EWSR1: variants seen among roughly 807,000 people sequenced by gnomAD.
The protein encoded by EWSR1 is EWS RNA binding protein 1, also known as RNA-binding protein EWS.
A neutral mutation model predicts 92.1 loss-of-function variants in EWSR1; 14 were observed. That is an observed-to-expected ratio of 0.15 (90% confidence interval 0.10 to 0.24). The LOEUF (loss-of-function observed/expected upper bound fraction) is 0.24, where lower values mean the gene tolerates loss of function less well. Ranked by LOEUF, EWSR1 falls within the 10% of genes least tolerant of loss-of-function variation. The pLI is 1.00. For missense variants in EWSR1, 637 were observed against 870.9 expected (o/e 0.73, Z 3.38); for synonymous variants, 303 against 292.9 (o/e 1.03, Z -0.35).
rs149841245 is a variant in EWSR1 at position 29,290,929 on chromosome 22, T to C, written c.975-633T>C. On this transcript the variant is annotated intron_variant, in intron 8 of 16. Transcript: ENST00000397938. ...GCCATAGTCATTATTCTAACTGATATGTCTATAAAGTTGCACCCCCAGTCC... is the reference window on the plus strand; with the variant it reads ...GCCATAGTCATTATTCTAACTGATACGTCTATAAAGTTGCACCCCCAGTCC... 764 of 241,620 alleles carry C rather than the reference T, an allele frequency of 3.2e-3. 9 individuals carry two copies. The highest frequency in any genetic ancestry group is 0.016 in the Middle Eastern group (13 of 802). The allele number at this position is 241,620 out of a possible 1,614,324, so 15.0% of individuals were successfully genotyped here.
At chr22:29,273,963 C>T in intron 4 of EWSR1, 99 bp downstream of exon 4, 1 of 1,464,194 alleles carries the variant, frequency 6.8e-7, no homozygotes, top group East Asian at 2.3e-5. Context: ...TGGTCCATAC[C>T]TTGGCATCTG....
intron 12 of EWSR1, among the ~76,000 whole-genome samples, chr22:29,296,584 A>AT (rs1173553742): frequency 6.6e-6 from 1 of 152,216 alleles, no homozygotes; most frequent in African/African-American, 2.4e-5. Context: ...ACCTTGCTTA[A>AT]AGTGGCAAAC....
At chr22:29,282,231 T>G (rs985237179) in intron 5 of EWSR1, among the ~76,000 whole-genome samples, 159 bp from the exon 6 acceptor site, 5 of 152,238 alleles carry the variant, frequency 3.3e-5, no homozygotes, top group Non-Finnish European at 7.3e-5. Flanking sequence ...TGATGTAGTT[T>G]ACTTTAGGAT....
chr22:29,283,473 C>T (rs1267501070), intron 6 of EWSR1, among the ~76,000 whole-genome samples: 1 of 149,654 alleles, frequency 6.7e-6, no homozygotes, highest in South Asian at 2.1e-4. Context: ...CTCAGCCTCC[C>T]GAGTAGCTGG....
chr22:29,299,787 G>A lies in EWSR1; in HGVS notation c.1867G>A (p.Gly623Arg). The A allele has an allele frequency of 6.3e-7, 1 of 1,596,376 alleles. No homozygotes were observed. ...ACGAGGTGGCCCTGGGGGGCCCCCT[G>A]GACCTTTGATGGAACAGATGGGAGG... ...GRRGGPGGPP[G>R]PLMEQMGGRR... Residue 623 changes from glycine (G) to arginine (R), a missense_variant, in exon 16 of 17, where the codon GGA becomes AGA. By Grantham distance (125) the Gly-to-Arg change is moderately radical. Coordinates refer to ENST00000397938, the MANE Select transcript of EWSR1 (RefSeq NM_005243.4).
At chr22:29,292,199 T>C (rs747855382) in intron 10 of EWSR1, 30 bp downstream of exon 10, 4 of 1,608,906 alleles carry the variant, frequency 2.5e-6, no homozygotes, top group African/African-American at 2.7e-5. Flanking sequence ...GTGCTTCATA[T>C]CGTGCTTTGT....
At chr22:29,291,975 A>C in intron 9 of EWSR1, 162 bp from the exon 10 acceptor site, 1 of 684,974 alleles carries the variant, frequency 1.5e-6, no homozygotes, top group Non-Finnish European at 2.6e-6. Flanking sequence ...ACCTTTCACA[A>C]ATGTTAAAGA....
At chr22:29,288,336 C>T (rs906430333) in intron 7 of EWSR1, among the ~76,000 whole-genome samples, 9 of 152,136 alleles carry the variant, frequency 5.9e-5, no homozygotes, top group Non-Finnish European at 1.0e-4. Flanking sequence ...ACCCTATAAA[C>T]TATATGTTAG....
At chr22:29,269,050 A>G (rs773122639) in intron 1 of EWSR1, among the ~76,000 whole-genome samples, 22 of 151,692 alleles carry the variant, frequency 1.5e-4, no homozygotes, top group Non-Finnish European at 2.8e-4. Context: ...TTATTAATCC[A>G]CGTCCTCCCC....
Position 29,292,494 on chromosome 22 carries a change from C to G in EWSR1, c.1052C>G (p.Pro351Arg). 1 of 1,610,290 alleles carries G rather than the reference C, an allele frequency of 6.2e-7. No individual in the cohort carries two copies. The highest frequency in any genetic ancestry group is 8.5e-7 in the Non-Finnish European group (1 of 1,177,038). ...DEGPDLDLGP[P>R]VDPDEDSDNS... ...GTCTTGTTGTCTCTGAAAGGCCCAC[C>G]TGTAGATCCAGATGAAGACTCTGAC... The change falls in exon 11 of 17, where the codon CCT becomes CGT. Residue 351 changes from proline (P) to arginine (R), a missense_variant. Physicochemically the swap from Pro to Arg is moderately radical, Grantham distance 103. Coordinates refer to ENST00000397938, the MANE Select transcript of EWSR1 (RefSeq NM_005243.4).
intron 5 of EWSR1, among the ~76,000 whole-genome samples, chr22:29,280,209 G>A (rs1033337415): frequency 2.0e-5 from 3 of 151,918 alleles, no homozygotes; most frequent in Admixed American, 6.6e-5. Context: ...CTGGGACTAC[G>A]GGCATGTACC....
chr22:29,291,359 G>A (rs1169440674), intron 8 of EWSR1: 4 of 529,538 alleles, frequency 7.6e-6, no homozygotes, highest in Non-Finnish European at 1.3e-5. Context: ...CCACACTGGT[G>A]TGTACAATCA....
At chr22:29,292,935 A>G (rs778348572) in intron 11 of EWSR1, among the ~76,000 whole-genome samples, 4 of 151,710 alleles carry the variant, frequency 2.6e-5, no homozygotes, top group Non-Finnish European at 2.9e-5. Flanking sequence ...TTTTTAGTAA[A>G]GATGGGGTTT....
chr22:29,296,190 C>T, intron 11 of EWSR1, 49 bp from the exon 12 acceptor site: 1 of 1,559,752 alleles, frequency 6.4e-7, no homozygotes, highest in East Asian at 2.3e-5. Context: ...CTTTTTTCTC[C>T]CAAATTAGTA....
At chr22:29,285,552 C>CA (rs1337356196) in intron 6 of EWSR1, among the ~76,000 whole-genome samples, 21 of 151,538 alleles carry the variant, frequency 1.4e-4, no homozygotes, top group Admixed American at 2.6e-4. Context: ...TATTAATACT[C>CA]AGATTTCATA....
At chr22:29,285,477 C>T (rs2059955474) in intron 6 of EWSR1, among the ~76,000 whole-genome samples, 1 of 151,278 alleles carries the variant, frequency 6.6e-6, no homozygotes, top group African/African-American at 2.5e-5. Flanking sequence ...ATTAATTTCT[C>T]CCATGTAATT....
At chr22:29,273,299 C>T (rs1301369426) in intron 3 of EWSR1, among the ~76,000 whole-genome samples, 1 of 152,104 alleles carries the variant, frequency 6.6e-6, no homozygotes, top group East Asian at 1.9e-4. Context: ...GATTTTAGCC[C>T]TCTTCATTGC....
chr22:29,287,117 G>A lies in EWSR1; in HGVS notation c.776G>A (p.Ser259Asn), dbSNP rs749579216. The A allele has an allele frequency of 5.6e-6, 9 of 1,614,104 alleles. No homozygotes were observed. Among genetic ancestry groups the A allele is most frequent in the Non-Finnish European group, 7.6e-6 (9 of 1,179,964 alleles). The change falls in exon 7 of 17, where the codon AGC (serine) becomes AAC (asparagine). Residue 259 changes from serine to asparagine, a missense_variant. Ser to Asn is a conservative substitution (Grantham distance 46). Transcript: ENST00000397938. ...QAPSQYSQQS[S>N]SYGQQSSFRQ... ...CCAAGTCAATATAGCCAACAGAGCA[G>A]CAGCTACGGGCAGCAGAGTGAGTTG...
At chr22:29,286,901 T>C in intron 6 of EWSR1, 22 bp from the exon 7 acceptor site, 1 of 1,586,896 alleles carries the variant, frequency 6.3e-7, no homozygotes, top group Non-Finnish European at 8.6e-7. Flanking sequence ...GCTTTTTTTT[T>C]TTTCTCTTCT....
Sources: allele counts gnomAD v4.1 joint callset (sites outside exome capture counted in the v4.1 genomes callset), GRCh38; gene constraint gnomAD v4.1.1; transcripts MANE v1.5; gene names NCBI Gene and HGNC (gene_info 2026-07-23, HGNC 2026-07-21).